The following TDRKH variants were observed in gnomAD, a reference collection of about 807,000 sequenced individuals.
TDRKH encodes tudor and KH domain containing.
In TDRKH, 28 loss-of-function variants were observed where a neutral mutation model predicts 61.3. The observed-to-expected ratio is 0.46, with a 90% CI of 0.34 to 0.63. The LOEUF (loss-of-function observed/expected upper bound fraction) is 0.63, where lower values mean the gene tolerates loss of function less well. Among genes scored for constraint, TDRKH ranks in the 20% least tolerant of loss-of-function variants. TDRKH has a pLI of 0.01. For synonymous variants in TDRKH, 219 were observed against 244.4 expected, an observed-to-expected ratio of 0.90 and a Z score of 0.97; for missense variants, 540 against 683.4, an observed-to-expected ratio of 0.79 and a Z score of 2.34.
downstream of TDRKH, among the ~76,000 whole-genome samples, chr1:151,772,350 C>T (rs573069059): frequency 1.3e-5 from 2 of 152,126 alleles, no homozygotes; most frequent in Non-Finnish European, 2.9e-5. Flanking sequence ...CCTCGGCCTC[C>T]CAAAGTGTTG....
At chr1:151,781,639 T>G (rs1483774346) in intron 2 of TDRKH, 52 bp from the exon 3 acceptor site, 1 of 1,507,440 alleles carries the variant, frequency 6.6e-7, no homozygotes, top group Non-Finnish European at 9.2e-7. Context: ...CCAAAGCTAG[T>G]ATAACTACCA....
chr1:151,775,554 AT>A lies in TDRKH; in HGVS notation c.1283-12del, dbSNP rs1165604741. Reference sequence around the variant, plus strand: ...CTTCCCACTGGTCACCTGGCAAAAGATTGTAGGGGTTACTGCTGATAGGGGT... The same window carrying A: ...CTTCCCACTGGTCACCTGGCAAAAGATGTAGGGGTTACTGCTGATAGGGGT... On this transcript the variant is annotated splice_polypyrimidine_tract_variant and intron_variant, in intron 9 of 12. Coordinates refer to ENST00000368824, the MANE Select transcript of TDRKH (RefSeq NM_001083965.2). 2 of 1,611,334 alleles carry A rather than the reference AT, an allele frequency of 1.2e-6. No individual in the cohort carries two copies. The highest frequency in any genetic ancestry group is 1.7e-6 in the Non-Finnish European group (2 of 1,178,842).
downstream of TDRKH, among the ~76,000 whole-genome samples, chr1:151,768,714 A>C (rs533420841): frequency 1.1e-4 from 16 of 152,138 alleles, no homozygotes; most frequent in East Asian, 3.1e-3. Context: ...TTTCTCACAG[A>C]GGGGGATTTG....
chr1:151,781,310 T>C (rs1649745889), intron 3 of TDRKH, among the ~76,000 whole-genome samples, 171 bp downstream of exon 3: 2 of 118,646 alleles, frequency 1.7e-5, no homozygotes, highest in Non-Finnish European at 3.4e-5. Flanking sequence ...AGAGCGAAAC[T>C]CCATCTCAAA....
At chr1:151,784,866 A>G (rs1225036847) in intron 1 of TDRKH, among the ~76,000 whole-genome samples, 2 of 151,714 alleles carry the variant, frequency 1.3e-5, no homozygotes, top group African/African-American at 4.9e-5. Flanking sequence ...AGACATCTCA[A>G]ACTTAACACT....
intron 2 of TDRKH, among the ~76,000 whole-genome samples, chr1:151,782,450 G>A (rs1299735051): frequency 2.0e-5 from 3 of 147,632 alleles, no homozygotes; most frequent in Non-Finnish European, 1.5e-5. Context: ...CTGTCTCAAA[G>A]AAAAAAAAAA....
At chr1:151,776,633 G>C (rs1649212032) in intron 6 of TDRKH, 34 bp from the exon 7 acceptor site, 1 of 1,606,712 alleles carries the variant, frequency 6.2e-7, no homozygotes, top group Non-Finnish European at 8.5e-7. Context: ...GGCCACATCA[G>C]ACCCATCTCT....
intron 1 of TDRKH, among the ~76,000 whole-genome samples, chr1:151,787,360 A>T (rs1161553096): frequency 6.6e-6 from 1 of 152,146 alleles, no homozygotes; most frequent in Non-Finnish European, 1.5e-5. Context: ...CTGGGACGAC[A>T]GGCACCTGCC....
Position 151,774,430 on chromosome 1 carries a change from T to G in TDRKH, c.*22A>C. ...GCACTCACACAGCAAAGCAGATGGC[T>G]GAGCAAACTGAAGCCCAGACTTCAG... On this transcript the variant is annotated 3_prime_UTR_variant, in exon 13 of 13. Coordinates refer to ENST00000368824, the MANE Select transcript of TDRKH (RefSeq NM_001083965.2). The G allele has an allele frequency of 6.2e-7, 1 of 1,613,678 alleles. No individual in the cohort carries two copies. The highest frequency in any genetic ancestry group is 8.5e-7 in the Non-Finnish European group (1 of 1,179,722).
At chr1:151,781,998 GGTAA>G (rs1412211259) in intron 2 of TDRKH, 1 of 457,690 alleles carries the variant, frequency 2.2e-6, no homozygotes, top group African/African-American at 2.0e-5. Flanking sequence ...CAGCCTTTGA[GGTAA>G]GTGCCTTCTA....
At chr1:151,779,699 A>G (rs1019976819) in intron 4 of TDRKH, 2 of 423,658 alleles carry the variant, frequency 4.7e-6, no homozygotes, top group East Asian at 3.6e-5. Context: ...AAAATCAATT[A>G]TAAGGTAAAT....
At chr1:151,788,640 G>C (rs1388316112) in intron 1 of TDRKH, among the ~76,000 whole-genome samples, 1 of 152,170 alleles carries the variant, frequency 6.6e-6, no homozygotes, top group East Asian at 1.9e-4. Flanking sequence ...GATAGAAAAG[G>C]ATTGATCTAA....
chr1:151,769,746 CG>C (rs1188307997), downstream of TDRKH, among the ~76,000 whole-genome samples: 39 of 152,202 alleles, frequency 2.6e-4, no homozygotes, highest in East Asian at 5.8e-4. Context: ...GAGGTTGTAG[CG>C]AGCCGAGATC....
chr1:151,776,548 A>T lies in TDRKH; in HGVS notation c.935T>A (p.Val312Asp). 6.2e-7 allele frequency: 1 copy of T among 1,614,158 alleles called. No individual in the cohort carries two copies. Among genetic ancestry groups the T allele is most frequent in the Non-Finnish European group, 8.5e-7 (1 of 1,180,018 alleles). Reference sequence around the variant, plus strand: ...GTGGTTAGGGTGCTCAGAAGCAGAAACGTAGACTTCTAGGTACTCATCAGC... The same window carrying T: ...GTGGTTAGGGTGCTCAGAAGCAGAATCGTAGACTTCTAGGTACTCATCAGC... ...FHADEYLEVYVSASEHPNHFW... is the reference protein window; with the variant it reads ...FHADEYLEVYDSASEHPNHFW... Residue 312 changes from valine (V) to aspartate (D), a missense_variant, in exon 7 of 13, where the codon GTT becomes GAT. By Grantham distance (152) the Val-to-Asp change is radical. Coordinates refer to ENST00000368824, the MANE Select transcript of TDRKH (RefSeq NM_001083965.2).
At chr1:151,770,294 A>T, downstream of TDRKH, 1 of 1,599,670 alleles carries the variant, frequency 6.3e-7, no homozygotes. Flanking sequence ...TTTCGCGCTG[A>T]GGCAGCTGGA....
downstream of TDRKH, among the ~76,000 whole-genome samples, chr1:151,768,516 T>C (rs940437570): frequency 2.0e-5 from 3 of 152,204 alleles, no homozygotes; most frequent in African/African-American, 7.2e-5. Flanking sequence ...TTACATCCAG[T>C]GATGTGCAAT....
At chr1:151,778,608 A>G (rs781143770) in intron 6 of TDRKH, 77 bp downstream of exon 6, 23 of 1,587,834 alleles carry the variant, frequency 1.4e-5, no homozygotes, top group Middle Eastern at 1.7e-4. Flanking sequence ...CTGAGAAGGC[A>G]TTCCTTCTAA....
chr1:151,783,133 C>T, intron 1 of TDRKH, 84 bp from the exon 2 acceptor site: 1 of 1,281,644 alleles, frequency 7.8e-7, no homozygotes, highest in Non-Finnish European at 1.1e-6. Flanking sequence ...CACATTATTA[C>T]TGAAAAGACT....
At chr1:151,776,789 T>C (rs1649224677) in intron 6 of TDRKH, among the ~76,000 whole-genome samples, 190 bp from the exon 7 acceptor site, 1 of 152,260 alleles carries the variant, frequency 6.6e-6, no homozygotes, top group Non-Finnish European at 1.5e-5. Flanking sequence ...TACCTTTCCA[T>C]GTAACTGAGT....
Sources: gnomAD v4.1 joint callset for allele counts (sites outside exome capture counted in the v4.1 genomes callset) on GRCh38, gnomAD v4.1.1 for gene constraint, MANE v1.5 for transcripts, NCBI Gene and HGNC (gene_info 2026-07-23, HGNC 2026-07-21) for gene names.